FGF13: variants seen among roughly 807,000 people sequenced by gnomAD.
FGF13 encodes fibroblast growth factor 13.
A neutral mutation model predicts 19.5 loss-of-function variants in FGF13; 2 were observed. The observed-to-expected ratio is 0.10, with a 90% CI of 0.04 to 0.32. The LOEUF (loss-of-function observed/expected upper bound fraction) is 0.32, where lower values mean the gene tolerates loss of function less well. Ranked by LOEUF, FGF13 falls within the 10% of genes least tolerant of loss-of-function variation. FGF13 has a pLI of 1.00. For missense variants in FGF13, 113 were observed against 192.7 expected, an observed-to-expected ratio of 0.59 and a Z score of 2.45; for synonymous variants, 72 against 76.9, an observed-to-expected ratio of 0.94 and a Z score of 0.33.
chrX:138,857,442 A>C, downstream of FGF13: 1 of 1,078,308 alleles, frequency 9.3e-7, no homozygotes, highest in African/African-American at 1.8e-5. Flanking sequence ...GGCAATGCAC[A>C]ATCCAAAAGA....
At chrX:138,752,602 G>A in intron 3 of FGF13, among the ~76,000 whole-genome samples, 1 of 111,926 alleles carries the variant, frequency 8.9e-6, no homozygotes, top group Non-Finnish European at 1.9e-5. Context: ...CACTCAGGCA[G>A]AGGTGTGTGA....
intron 3 of FGF13, among the ~76,000 whole-genome samples, chrX:138,671,028 C>T (rs1336121503): frequency 2.4e-5 from 2 of 84,313 alleles, no homozygotes; most frequent in Admixed American, 2.5e-4. Context: ...ATGACCATCA[C>T]CATCGCCACC....
rs1210821369 is a variant in FGF13, at chrX:138,686,622, T to C, written c.402+16362A>G. On this transcript the variant is annotated intron_variant, in intron 3 of 4. Coordinates refer to ENST00000315930, the MANE Select transcript of FGF13 (RefSeq NM_004114.5). ...AGATCTTAATATACTTACGCCTCTA[T>C]GCAAATGACACTGATGTCTTGGTAG... Among the ~76,000 whole-genome samples the C allele has an allele frequency of 6.2e-5, 7 of 112,018 alleles. No individual in the cohort carries two copies. In the East Asian group the frequency reaches 1.1e-3, roughly 18 times the overall value.
intron 3 of FGF13, among the ~76,000 whole-genome samples, chrX:138,793,277 G>T (rs1413010144): frequency 8.9e-6 from 1 of 111,936 alleles, no homozygotes; most frequent in Admixed American, 9.5e-5. Flanking sequence ...CAGATTTGTG[G>T]TAATTTGTTA....
intron 3 of FGF13, among the ~76,000 whole-genome samples, chrX:138,828,351 G>A (rs1340647449): frequency 9.1e-6 from 1 of 110,239 alleles, no homozygotes; most frequent in Non-Finnish European, 1.9e-5. Context: ...GGCGGATCAC[G>A]AGGTCAGGAG....
intron 1 of FGF13, among the ~76,000 whole-genome samples, chrX:138,947,938 C>T (rs1397868207): frequency 9.0e-6 from 1 of 111,308 alleles, no homozygotes; most frequent in African/African-American, 3.3e-5. Flanking sequence ...GAGGAAAGAC[C>T]ATGTGAAGAC....
At chrX:138,865,450 C>CCTCTCTCT (rs370662542) in intron 1 of FGF13, among the ~76,000 whole-genome samples, 8 of 89,252 alleles carry the variant, frequency 9.0e-5, no homozygotes, top group South Asian at 5.1e-4. Flanking sequence ...CTCTCTCTCT[C>CCTCTCTCT]CTCTCTCTCT....
At chrX:138,859,065 C>T (rs1264690746) in intron 2 of FGF13, among the ~76,000 whole-genome samples, 1 of 111,915 alleles carries the variant, frequency 8.9e-6, no homozygotes, top group South Asian at 3.7e-4. Flanking sequence ...CATTCAGCAG[C>T]AGCAATCAAA....
rs952161256 is a variant in FGF13 at position 138,798,994 on chromosome X, T to C, written c.217+58518A>G. On this transcript the variant is annotated intron_variant, in intron 3 of 6. Transcript: ENST00000436198. ...GGCTAGCGGTCCATCTATTTTGTTATTCTTTTCAAAAAACCACCTCCTGGA... is the reference window on the plus strand; with the variant it reads ...GGCTAGCGGTCCATCTATTTTGTTACTCTTTTCAAAAAACCACCTCCTGGA... Among the ~76,000 whole-genome samples, 10 of 111,663 alleles carry C rather than the reference T, an allele frequency of 9.0e-5. No individual in the cohort carries two copies. In the East Asian group the frequency reaches 2.8e-3, roughly 31 times the overall value.
chrX:138,930,072 G>T (rs1187863900), intron 1 of FGF13, among the ~76,000 whole-genome samples: 1 of 111,750 alleles, frequency 8.9e-6, no homozygotes, highest in Non-Finnish European at 1.9e-5. Context: ...AAGTCAGTCT[G>T]GCAGGAAACT....
At chrX:138,979,067 G>A (rs1222600035) in intron 1 of FGF13, among the ~76,000 whole-genome samples, 1 of 112,057 alleles carries the variant, frequency 8.9e-6, no homozygotes, top group African/African-American at 3.2e-5. Context: ...TCAACTGCAA[G>A]TAATGTAAGA....
Position 138,991,764 on chromosome X carries a change from T to G in FGF13, c.-112-127114A>C, listed in dbSNP as rs180937464. Among the ~76,000 whole-genome samples, 17 of 112,148 alleles carry G rather than the reference T, an allele frequency of 1.5e-4. No homozygotes were observed. In the East Asian group the frequency reaches 4.8e-3, roughly 32 times the overall value. On this transcript the variant is annotated intron_variant, in intron 1 of 2. Coordinates refer to the FGF13 transcript ENST00000421460. ...GTCAGTTGTATAATCTTATGTAATA[T>G]AACTTACATTACCAGTGACCTCCAG...
intron 1 of FGF13, among the ~76,000 whole-genome samples, chrX:138,967,788 G>T (rs762009970): frequency 8.5e-4 from 95 of 111,750 alleles, no homozygotes; most frequent in Non-Finnish European, 1.5e-3. Flanking sequence ...TATAGCCACA[G>T]GAGAATACAA....
At chrX:138,805,999 C>A (rs1193429586) in intron 3 of FGF13, among the ~76,000 whole-genome samples, 1 of 111,420 alleles carries the variant, frequency 9.0e-6, no homozygotes, top group Non-Finnish European at 1.9e-5. Context: ...TGGCACTTGA[C>A]TCAGTATGGG....
At chrX:138,873,529 T>C (rs777965390) in intron 1 of FGF13, among the ~76,000 whole-genome samples, 5 of 111,777 alleles carry the variant, frequency 4.5e-5, no homozygotes, top group Admixed American at 1.9e-4. Flanking sequence ...TTCATTCTTC[T>C]TGAATGGCAT....
intron 3 of FGF13, among the ~76,000 whole-genome samples, chrX:138,769,471 C>T (rs1435153909): frequency 8.9e-6 from 1 of 111,774 alleles, no homozygotes; most frequent in African/African-American, 3.3e-5. Context: ...CTGTACTTAG[C>T]CCACTGCCTG....
chrX:138,692,161 C>A (rs760653483), intron 3 of FGF13, among the ~76,000 whole-genome samples: 4 of 111,289 alleles, frequency 3.6e-5, no homozygotes, highest in Non-Finnish European at 7.6e-5. Flanking sequence ...TTAAAATATT[C>A]AATAGGCCTG....
At chrX:138,704,057 A>G (rs2124238061) in intron 2 of FGF13, among the ~76,000 whole-genome samples, 1 of 112,342 alleles carries the variant, frequency 8.9e-6, no homozygotes, top group Admixed American at 9.4e-5. Context: ...CCAAGATTAG[A>G]GTTGAGAGGG....
chrX:138,790,967 C>G (rs1223110018), intron 3 of FGF13, among the ~76,000 whole-genome samples: 1 of 111,779 alleles, frequency 8.9e-6, no homozygotes, highest in African/African-American at 3.3e-5. Context: ...CAACCAGCCA[C>G]ACATAAAACA....
Sources: gnomAD v4.1 joint callset for allele counts (sites outside exome capture counted in the v4.1 genomes callset) on GRCh38, gnomAD v4.1.1 for gene constraint, MANE v1.5 for transcripts, NCBI Gene and HGNC (gene_info 2026-07-23, HGNC 2026-07-21) for gene names.